GABRG3: variants seen among roughly 807,000 people sequenced by gnomAD.
The protein encoded by GABRG3 is gamma-aminobutyric acid type A receptor subunit gamma3.
In GABRG3, 25 loss-of-function variants were observed where a neutral mutation model predicts 48.8. The observed-to-expected ratio is 0.51, with a 90% CI of 0.37 to 0.72. GABRG3 has a LOEUF of 0.72. GABRG3 is among the 30% of genes least tolerant of loss of function. The probability of loss-of-function intolerance (pLI) is 0.00; values close to 1 mark genes in which losing one functional copy is unlikely to be tolerated. For missense variants in GABRG3, 394 were observed against 577.9 expected, an observed-to-expected ratio of 0.68 and a Z score of 3.26; for synonymous variants, 227 against 217.6, an observed-to-expected ratio of 1.04 and a Z score of -0.38.
chr15:27,417,008 A>G (rs191337585), intron 5 of GABRG3, among the ~76,000 whole-genome samples: 1 of 152,324 alleles, frequency 6.6e-6, no homozygotes, highest in Admixed American at 6.5e-5. Context: ...AAATAAAGTA[A>G]TCAACCCCTT....
chr15:27,038,067 C>T (rs552476544), intron 3 of GABRG3, among the ~76,000 whole-genome samples: 29 of 152,270 alleles, frequency 1.9e-4, no homozygotes, highest in African/African-American at 7.0e-4. Context: ...CTGTCCCGAT[C>T]GGGTCCTGGT....
chr15:27,457,252 T>C lies in GABRG3; in HGVS notation c.575-23398T>C, dbSNP rs1595766612. On this transcript the variant is annotated intron_variant, in intron 5 of 9. Coordinates refer to ENST00000615808, the MANE Select transcript of GABRG3 (RefSeq NM_033223.5). The surrounding 1 kb of genome is among the most constrained non-coding windows in gnomAD (Gnocchi z 4.4). The stretch of plus-strand genomic sequence containing the variant: ...GATGTACAGTGCAGGGCCGGCGGGG[T>C]GGTGGAGAGAAAGGAGGCATTTCCT... Among the ~76,000 whole-genome samples, 1 of 151,746 alleles carries C rather than the reference T, an allele frequency of 6.6e-6. No homozygotes were observed. The highest frequency in any genetic ancestry group is 2.1e-4 in the South Asian group (1 of 4,802).
intron 3 of GABRG3, among the ~76,000 whole-genome samples, chr15:27,178,829 G>A (rs1368376588): frequency 3.3e-5 from 5 of 152,114 alleles, no homozygotes; most frequent in African/African-American, 9.7e-5. Context: ...CTAGAATGGG[G>A]GTCTGATGAC....
intron 3 of GABRG3, among the ~76,000 whole-genome samples, chr15:27,112,969 T>C (rs1212943421): frequency 6.6e-6 from 1 of 152,222 alleles, no homozygotes; most frequent in Non-Finnish European, 1.5e-5. Context: ...AATGTTTCTT[T>C]GATAATTTTC....
intron 3 of GABRG3, among the ~76,000 whole-genome samples, chr15:27,220,542 C>T (rs867385279): frequency 2.0e-5 from 3 of 152,136 alleles, no homozygotes; most frequent in African/African-American, 4.8e-5. Context: ...AATTCAGTCC[C>T]GTTTCCCCCT....
At chr15:27,274,802 A>G (rs1288208649) in intron 3 of GABRG3, among the ~76,000 whole-genome samples, 1 of 152,214 alleles carries the variant, frequency 6.6e-6, no homozygotes, top group African/African-American at 2.4e-5. Flanking sequence ...AACAATTATT[A>G]TATCATCCTA....
At chr15:27,134,075 C>G (rs1176078264) in intron 3 of GABRG3, among the ~76,000 whole-genome samples, 1 of 152,148 alleles carries the variant, frequency 6.6e-6, no homozygotes, top group African/African-American at 2.4e-5. Flanking sequence ...CTCCCACCAC[C>G]AAAGGGAAAG....
At chr15:27,387,493 G>A (rs1160065792) in intron 5 of GABRG3, among the ~76,000 whole-genome samples, 4 of 151,944 alleles carry the variant, frequency 2.6e-5, no homozygotes, top group Non-Finnish European at 5.9e-5. Flanking sequence ...TTGTAATTAG[G>A]GGGTATTCCA....
intron 3 of GABRG3, among the ~76,000 whole-genome samples, chr15:27,228,000 G>C (rs1370944699): frequency 6.6e-6 from 1 of 152,198 alleles, no homozygotes; most frequent in Non-Finnish European, 1.5e-5. Flanking sequence ...ATAATGCTTA[G>C]TGCCTGTGAA....
rs143324907 is a variant in GABRG3, at chr15:27,283,479, T to C, written c.271-43330T>C. ...ATTAGCCAGGCTTGATGGTGTGTGC[T>C]TGTAATCCCAGCTATCTGGGAGGCT... On this transcript the variant is annotated intron_variant, in intron 3 of 9. Coordinates refer to ENST00000615808, the MANE Select transcript of GABRG3 (RefSeq NM_033223.5). Among the ~76,000 whole-genome samples, 456 of 152,222 alleles carry C rather than the reference T, an allele frequency of 3.0e-3. 1 individual carries two copies. Among genetic ancestry groups the C allele is most frequent in the African/African-American group, 0.01 (432 of 41,550 alleles).
intron 3 of GABRG3, among the ~76,000 whole-genome samples, chr15:27,220,635 A>G (rs1397622967): frequency 1.3e-5 from 2 of 152,300 alleles, no homozygotes; most frequent in East Asian, 1.9e-4. Flanking sequence ...ACTCAAGAAC[A>G]TATGCTAAGA....
intron 5 of GABRG3, among the ~76,000 whole-genome samples, chr15:27,391,429 A>C (rs2140576827): frequency 6.6e-6 from 1 of 152,264 alleles, no homozygotes; most frequent in East Asian, 1.9e-4. Flanking sequence ...AGACTTCAGA[A>C]CTTAGTTCTG....
intron 3 of GABRG3, among the ~76,000 whole-genome samples, chr15:27,183,483 A>T (rs1465412855): frequency 6.6e-6 from 1 of 152,222 alleles, no homozygotes; most frequent in Non-Finnish European, 1.5e-5. Flanking sequence ...ACCACACTGC[A>T]CATTTAATTA....
chr15:27,147,253 G>A (rs976505729), intron 3 of GABRG3, among the ~76,000 whole-genome samples: 26 of 151,862 alleles, frequency 1.7e-4, no homozygotes, highest in African/African-American at 5.8e-4. Flanking sequence ...AATTCATCAA[G>A]AACACATAAT....
intron 3 of GABRG3, among the ~76,000 whole-genome samples, chr15:27,066,663 C>T (rs1896742796): frequency 6.6e-6 from 1 of 152,090 alleles, no homozygotes; most frequent in Admixed American, 6.6e-5. Context: ...TGTGGGCTGA[C>T]CACAGAGAGA....
intron 5 of GABRG3, among the ~76,000 whole-genome samples, chr15:27,349,970 A>AAAC (rs377742989): frequency 6.7e-6 from 1 of 148,392 alleles, no homozygotes; most frequent in African/African-American, 2.5e-5. Flanking sequence ...ACAAAAAAAA[A>AAAC]CCTAACTTTC....
intron 6 of GABRG3, among the ~76,000 whole-genome samples, chr15:27,500,455 G>A (rs1473823460): frequency 2.0e-5 from 3 of 152,180 alleles, no homozygotes; most frequent in African/African-American, 7.2e-5. Flanking sequence ...CTGGGGAGCT[G>A]CAGAAACAGC....
chr15:27,015,820 A>T (rs1276310634), intron 2 of GABRG3, among the ~76,000 whole-genome samples: 1 of 152,204 alleles, frequency 6.6e-6, no homozygotes, highest in East Asian at 1.9e-4. Flanking sequence ...CTTCAATTGC[A>T]TATAAAAATT....
intron 3 of GABRG3, among the ~76,000 whole-genome samples, chr15:27,305,112 A>G (rs966311176): frequency 9.2e-5 from 14 of 151,832 alleles, no homozygotes; most frequent in Admixed American, 7.2e-4. Context: ...AACTTTCCAT[A>G]TGGTGTAAGG....
Sources: allele counts gnomAD v4.1 joint callset (sites outside exome capture counted in the v4.1 genomes callset), GRCh38; gene constraint gnomAD v4.1.1; non-coding constraint Gnocchi (gnomAD v3.1); transcripts MANE v1.5; gene names NCBI Gene and HGNC (gene_info 2026-07-23, HGNC 2026-07-21).